RUNX2: variants seen among roughly 807,000 people sequenced by gnomAD.
RUNX2 encodes runt-related transcription factor 2.
RUNX2 carries 10 observed loss-of-function variants against 51.7 expected under a neutral mutation model. The ratio of observed to expected loss-of-function variants is 0.19; its 90% CI spans 0.12 to 0.33. The LOEUF is 0.33. Ranked by LOEUF, RUNX2 falls within the 10% of genes least tolerant of loss-of-function variation. RUNX2 has a pLI of 1.00. For missense variants in RUNX2, 562 were observed against 691.3 expected, an observed-to-expected ratio of 0.81 and a Z score of 2.10; for synonymous variants, 276 against 273.6, an observed-to-expected ratio of 1.01 and a Z score of -0.09.
chr6:45,372,848 T>G (rs1364789101), intron 2 of RUNX2, among the ~76,000 whole-genome samples: 1 of 151,980 alleles, frequency 6.6e-6, no homozygotes, highest in African/African-American at 2.4e-5. Context: ...GATGGAGTTT[T>G]GCTCTGTCAC....
chr6:45,338,621 T>C (rs1391972976), intron 2 of RUNX2, among the ~76,000 whole-genome samples: 5 of 152,116 alleles, frequency 3.3e-5, no homozygotes, highest in Non-Finnish European at 7.4e-5. Context: ...GACCATGTGA[T>C]AAAAATAATA....
chr6:45,375,125 T>C (rs528972099), intron 2 of RUNX2, among the ~76,000 whole-genome samples: 1 of 152,302 alleles, frequency 6.6e-6, no homozygotes, highest in African/African-American at 2.4e-5. Flanking sequence ...GAGAATCGCT[T>C]GAACCCAGGA....
At chr6:45,491,192 C>T (rs1255906697) in intron 5 of RUNX2, among the ~76,000 whole-genome samples, 2 of 152,140 alleles carry the variant, frequency 1.3e-5, no homozygotes, top group Admixed American at 1.3e-4. Context: ...GTCACAGTCA[C>T]ATGTTTACTT....
In RUNX2 at chr6:45,398,087, G is replaced by A. The variant is rs990269142; in HGVS notation, c.59-24506G>A. ...TTTGTTGGGCTGCCTCTTTGGCTCT[G>A]GGACACATGGACATAGAATATAGCA... On this transcript the variant is annotated intron_variant, in intron 2 of 8. Coordinates refer to ENST00000647337, the MANE Select transcript of RUNX2 (RefSeq NM_001024630.4). Among the ~76,000 whole-genome samples, 10 of 152,272 alleles carry A rather than the reference G, an allele frequency of 6.6e-5. No individual in the cohort carries two copies. In the East Asian group the frequency reaches 1.9e-3, roughly 29 times the overall value.
chr6:45,338,411 T>C (rs999771692), intron 2 of RUNX2, among the ~76,000 whole-genome samples: 22 of 152,088 alleles, frequency 1.4e-4, no homozygotes, highest in Non-Finnish European at 1.9e-4. Context: ...ACAATAAAAC[T>C]GGTATCATTT....
In RUNX2 at chr6:45,431,304, C is replaced by T. The variant is rs536443586; in HGVS notation, c.424-559C>T. Among the ~76,000 whole-genome samples the T allele has an allele frequency of 1.3e-5, 2 of 152,272 alleles. 1 individual carries two copies. The highest frequency in any genetic ancestry group is 4.1e-4 in the South Asian group (2 of 4,828). On this transcript the variant is annotated intron_variant, in intron 3 of 8. Transcript: ENST00000647337. Reference sequence around the variant, plus strand: ...CGCAGTGTGGTTTTCAGTAAATATACTTTATTAAAAGCTGAAGTGCTAGCC... The same window carrying T: ...CGCAGTGTGGTTTTCAGTAAATATATTTTATTAAAAGCTGAAGTGCTAGCC...
chr6:45,428,838 CTTTT>C (rs66878438), intron 3 of RUNX2, among the ~76,000 whole-genome samples: 1 of 131,072 alleles, frequency 7.6e-6, no homozygotes, highest in Non-Finnish European at 1.6e-5. Context: ...GGGCAGATTG[CTTTT>C]TTTTTTTTTT....
intron 5 of RUNX2, among the ~76,000 whole-genome samples, chr6:45,478,394 TG>T (rs1350861266): frequency 6.6e-6 from 1 of 152,218 alleles, no homozygotes; most frequent in African/African-American, 2.4e-5. Flanking sequence ...ATCCCTGTGT[TG>T]TAGATACTTT....
chr6:45,369,301 T>C lies in RUNX2; in HGVS notation c.58+40517T>C, dbSNP rs1411989799. Among the ~76,000 whole-genome samples, 3 of 152,094 alleles carry C rather than the reference T, an allele frequency of 2.0e-5. No individual in the cohort carries two copies. In the East Asian group the frequency reaches 5.8e-4, roughly 29 times the overall value. ...CAATACCTTTTGAAACAATACAGTA[T>C]CTCTCAACCTACCCAAACTCTACTG... On this transcript the variant is annotated intron_variant, in intron 2 of 8. Transcript: ENST00000647337.
intron 5 of RUNX2, among the ~76,000 whole-genome samples, chr6:45,441,187 G>T (rs1336358150): frequency 1.3e-5 from 2 of 152,046 alleles, no homozygotes; most frequent in Admixed American, 1.3e-4. Flanking sequence ...CACTTATAGT[G>T]GCTTGAAGTT....
intron 2 of RUNX2, among the ~76,000 whole-genome samples, chr6:45,343,444 A>G (rs1198828456): frequency 6.6e-6 from 1 of 152,180 alleles, no homozygotes; most frequent in Non-Finnish European, 1.5e-5. Flanking sequence ...AGACTAACAG[A>G]GATCATCTAA....
intron 5 of RUNX2, among the ~76,000 whole-genome samples, chr6:45,459,172 G>A (rs552659850): frequency 6.6e-6 from 1 of 152,294 alleles, no homozygotes; most frequent in African/African-American, 2.4e-5. Context: ...CCCAGAGCTT[G>A]ACATGTTTAT....
At chr6:45,537,685 C>T (rs558978954) in intron 7 of RUNX2, among the ~76,000 whole-genome samples, 11 of 152,276 alleles carry the variant, frequency 7.2e-5, no homozygotes, top group South Asian at 2.1e-4. Context: ...TAGGGAAAAG[C>T]GACTGACTAG....
At chr6:45,454,966 T>G (rs969070424) in intron 5 of RUNX2, among the ~76,000 whole-genome samples, 4 of 152,052 alleles carry the variant, frequency 2.6e-5, no homozygotes, top group African/African-American at 9.7e-5. Context: ...ATATAAAAAT[T>G]TGCTGGGCAT....
intron 2 of RUNX2, among the ~76,000 whole-genome samples, chr6:45,359,735 A>G (rs1444062082): frequency 1.3e-5 from 2 of 152,202 alleles, no homozygotes; most frequent in African/African-American, 4.8e-5. Flanking sequence ...AAACTGCAAC[A>G]AATGCTATGA....
At chr6:45,376,971 C>T (rs1448707671) in intron 2 of RUNX2, among the ~76,000 whole-genome samples, 1 of 151,664 alleles carries the variant, frequency 6.6e-6, no homozygotes, top group Non-Finnish European at 1.5e-5. Context: ...TGGAGAAATG[C>T]TAATTTATCC....
intron 5 of RUNX2, among the ~76,000 whole-genome samples, chr6:45,457,428 G>A (rs1046153983): frequency 6.6e-6 from 1 of 152,098 alleles, no homozygotes; most frequent in Non-Finnish European, 1.5e-5. Context: ...AAGGGAAGGT[G>A]GAAGGAAGAT....
chr6:45,444,939 T>G (rs538881890), intron 5 of RUNX2, among the ~76,000 whole-genome samples: 1 of 152,314 alleles, frequency 6.6e-6, no homozygotes, highest in African/African-American at 2.4e-5. Context: ...CTCCATTACT[T>G]TTCATCTTAG....
intron 5 of RUNX2, among the ~76,000 whole-genome samples, chr6:45,485,535 T>C (rs1231466965): frequency 1.8e-4 from 27 of 151,820 alleles, no homozygotes; most frequent in Non-Finnish European, 1.3e-4. Flanking sequence ...TTCCCATAGG[T>C]ACTGCATAGC....
Sources: gnomAD v4.1 joint callset for allele counts (sites outside exome capture counted in the v4.1 genomes callset) on GRCh38, gnomAD v4.1.1 for gene constraint, MANE v1.5 for transcripts, NCBI Gene and HGNC (gene_info 2026-07-23, HGNC 2026-07-21) for gene names.